PPP1R14C: variants seen among roughly 807,000 people sequenced by gnomAD.
PPP1R14C encodes the protein protein phosphatase 1 regulatory inhibitor subunit 14C.
In PPP1R14C, 16 loss-of-function variants were observed where a neutral mutation model predicts 20.4. The ratio of observed to expected loss-of-function variants is 0.78; its 90% CI spans 0.53 to 1.19. PPP1R14C has a LOEUF of 1.19. PPP1R14C is among the 50% of genes most tolerant of loss of function. The probability of loss-of-function intolerance (pLI) is 0.00; values close to 1 mark genes in which losing one functional copy is unlikely to be tolerated. For missense variants in PPP1R14C, 211 were observed against 220.1 expected (o/e 0.96, Z 0.26); for synonymous variants, 91 against 91.0 (o/e 1.00, Z 0.00).
intron 3 of PPP1R14C, among the ~76,000 whole-genome samples, chr6:150,226,438 G>C (rs1472141612): frequency 6.6e-6 from 1 of 152,188 alleles, no homozygotes; most frequent in Non-Finnish European, 1.5e-5. Flanking sequence ...GGGTCTGGAA[G>C]CCTGCTAGCC....
chr6:150,198,699 G>A (rs1777840016), intron 1 of PPP1R14C, among the ~76,000 whole-genome samples: 1 of 152,212 alleles, frequency 6.6e-6, no homozygotes, highest in African/African-American at 2.4e-5. Context: ...CCGAGGAATG[G>A]TGCCGCTGAC....
chr6:150,169,127 G>A (rs1777470359), intron 1 of PPP1R14C, among the ~76,000 whole-genome samples: 2 of 152,124 alleles, frequency 1.3e-5, no homozygotes, highest in African/African-American at 4.8e-5. Context: ...TCCACCCATC[G>A]TGGCCTCCCA....
chr6:150,200,944 T>C (rs1279296143), intron 1 of PPP1R14C, among the ~76,000 whole-genome samples: 3 of 152,190 alleles, frequency 2.0e-5, no homozygotes, highest in African/African-American at 4.8e-5. Flanking sequence ...TGAAGGGCTC[T>C]GCTCTCCTCC....
intron 1 of PPP1R14C, among the ~76,000 whole-genome samples, chr6:150,169,026 G>A (rs546519445): frequency 5.3e-5 from 8 of 152,190 alleles, no homozygotes; most frequent in Middle Eastern, 3.4e-3. Flanking sequence ...ATCGGCACGC[G>A]CCACCACACC....
intron 1 of PPP1R14C, among the ~76,000 whole-genome samples, chr6:150,207,914 A>G (rs929761585): frequency 4.6e-5 from 7 of 152,176 alleles, no homozygotes. Flanking sequence ...TCGAGGGGTC[A>G]TATCTGGTTG....
intron 1 of PPP1R14C, among the ~76,000 whole-genome samples, chr6:150,153,841 G>A (rs1277872731): frequency 6.6e-6 from 1 of 152,224 alleles, no homozygotes; most frequent in African/African-American, 2.4e-5. Flanking sequence ...ATCTGTGGAA[G>A]GAGCTGTGGA....
At chr6:150,210,135 G>A (rs1209498949) in intron 1 of PPP1R14C, among the ~76,000 whole-genome samples, 2 of 152,136 alleles carry the variant, frequency 1.3e-5, no homozygotes, top group African/African-American at 2.4e-5. Context: ...CATGCCCAGC[G>A]CCAGGTTCTG....
intron 1 of PPP1R14C, among the ~76,000 whole-genome samples, chr6:150,173,873 C>T (rs953995784): frequency 3.9e-5 from 6 of 152,018 alleles, no homozygotes; most frequent in Non-Finnish European, 8.8e-5. Context: ...GTGAGTTCTG[C>T]TCACGCCATT....
chr6:150,216,560 A>C (rs1193466745), intron 2 of PPP1R14C, among the ~76,000 whole-genome samples: 1 of 85,850 alleles, frequency 1.2e-5, no homozygotes, highest in East Asian at 2.0e-4. Flanking sequence ...CTATGGTAGC[A>C]AAAAAAAAAA....
At chr6:150,190,910 G>C (rs1221869426) in intron 1 of PPP1R14C, among the ~76,000 whole-genome samples, 1 of 152,114 alleles carries the variant, frequency 6.6e-6, no homozygotes, top group Non-Finnish European at 1.5e-5. Context: ...GGATGCCAGA[G>C]TGATCCCGTT....
chr6:150,182,820 C>A (rs1777636642), intron 1 of PPP1R14C, among the ~76,000 whole-genome samples: 1 of 152,140 alleles, frequency 6.6e-6, no homozygotes, highest in Admixed American at 6.5e-5. Flanking sequence ...GTGTGAACAT[C>A]ATAGAGTGAA....
In PPP1R14C at chr6:150,143,269, C is replaced by G; in HGVS notation, c.77C>G (p.Pro26Arg). 6.6e-7 allele frequency: 1 copy of G among 1,509,156 alleles called. No individual in the cohort carries two copies. 93.5% of individuals were successfully genotyped at this position (1,509,156 alleles called of 1,614,324 possible). A position where few individuals can be genotyped will look rare whatever the true frequency, so the allele number is the denominator to read the frequency against. ...GGGARVFFQS[P>R]RGGAGGSPGS... ...GGCGCACGGGTTTTCTTCCAAAGCC[C>G]CCGGGGTGGCGCCGGTGGCAGCCCC... The change falls in exon 1 of 4, where the codon CCC (proline) becomes CGC (arginine). Residue 26 changes from proline to arginine, a missense_variant. Physicochemically the swap from Pro to Arg is moderately radical, Grantham distance 103. Coordinates refer to ENST00000361131, the MANE Select transcript of PPP1R14C (RefSeq NM_030949.3). This position sits in a 1 kb window ranked among gnomAD's most constrained non-coding sequence, Gnocchi z 5.6.
At position 150,143,524 on chromosome 6, in the gene PPP1R14C, T is replaced by C; in HGVS notation, c.306+26T>C. 4.3e-5 allele frequency: 35 copies of C among 821,456 alleles called. No individual in the cohort carries two copies. Among genetic ancestry groups the C allele is most frequent in the Non-Finnish European group, 6.4e-5 (33 of 512,136 alleles). 50.9% of individuals were successfully genotyped at this position (821,456 alleles called of 1,614,324 possible). ...GTACCTGGGCGCGGGGCTGGGAGGG[T>C]CGGGGACCTCTCTAGCTCCTCTGTG... On this transcript the variant is annotated intron_variant, in intron 1 of 3. Transcript: ENST00000361131. The surrounding 1 kb of genome is among the most constrained non-coding windows in gnomAD (Gnocchi z 5.6).
intron 3 of PPP1R14C, among the ~76,000 whole-genome samples, chr6:150,229,614 A>G (rs1383357363): frequency 6.6e-6 from 1 of 152,256 alleles, no homozygotes; most frequent in Admixed American, 6.5e-5. Context: ...CAGTGGAACA[A>G]ATTACTATTT....
At chr6:150,149,196 T>C (rs1315798297) in intron 1 of PPP1R14C, among the ~76,000 whole-genome samples, 1 of 152,178 alleles carries the variant, frequency 6.6e-6, no homozygotes, top group Non-Finnish European at 1.5e-5. Context: ...ATGTGTGCTT[T>C]GAAGTGCGAT....
chr6:150,181,534 T>C (rs181804708), intron 1 of PPP1R14C, among the ~76,000 whole-genome samples: 88 of 152,364 alleles, frequency 5.8e-4, no homozygotes, highest in African/African-American at 2.1e-3. Flanking sequence ...GTCTCTTCGC[T>C]TACTTTATTT....
At chr6:150,166,176 A>G (rs951447108) in intron 1 of PPP1R14C, among the ~76,000 whole-genome samples, 1 of 150,780 alleles carries the variant, frequency 6.6e-6, no homozygotes, top group Non-Finnish European at 1.5e-5. Flanking sequence ...CGCCTCCCGG[A>G]TTCATGCCAT....
chr6:150,248,932 T>C lies in PPP1R14C; in HGVS notation c.*112T>C. 1.7e-6 allele frequency: 1 copy of C among 572,490 alleles called. No individual in the cohort carries two copies. Among genetic ancestry groups the C allele is most frequent in the East Asian group, 3.0e-5 (1 of 33,704 alleles). The allele number at this position is 572,490 out of a possible 1,614,324, so 35.5% of individuals were successfully genotyped here. A position where few individuals can be genotyped will look rare whatever the true frequency, so the allele number is the denominator to read the frequency against. Reference sequence around the variant, plus strand: ...TCCTTATGAACAACGTTTTTGTTTTTTTTTTTTTCTTTTTTGGTGTGAAGG... The same window carrying C: ...TCCTTATGAACAACGTTTTTGTTTTCTTTTTTTTCTTTTTTGGTGTGAAGG... On this transcript the variant is annotated 3_prime_UTR_variant, in exon 4 of 4. Transcript: ENST00000361131.
chr6:150,214,705 C>T (rs1464715358), intron 1 of PPP1R14C, 39 bp from the exon 2 acceptor site: 1 of 1,519,902 alleles, frequency 6.6e-7, no homozygotes, highest in Non-Finnish European at 9.1e-7. Context: ...AGGTTTCTTA[C>T]TAAATTAAAT....
Sources: gnomAD v4.1 joint callset for allele counts (sites outside exome capture counted in the v4.1 genomes callset) on GRCh38, gnomAD v4.1.1 for gene constraint, Gnocchi (gnomAD v3.1) non-coding constraint, MANE v1.5 for transcripts, NCBI Gene and HGNC (gene_info 2026-07-23, HGNC 2026-07-21) for gene names.